Variants in FRMD3 observed in about 807,000 individuals in gnomAD.
FRMD3 encodes FERM domain containing 3.
In FRMD3, 33 loss-of-function variants were observed where a neutral mutation model predicts 70.2. The ratio of observed to expected loss-of-function variants is 0.47; its 90% CI spans 0.36 to 0.63. The LOEUF is 0.63. FRMD3 is among the 20% of genes least tolerant of loss of function. The pLI is 0.00. For synonymous variants in FRMD3, 279 were observed against 255.9 expected, an observed-to-expected ratio of 1.09 and a Z score of -0.86; for missense variants, 632 against 711.4, an observed-to-expected ratio of 0.89 and a Z score of 1.27.
chr9:83,499,006 A>G (rs1190676353), intron 1 of FRMD3, among the ~76,000 whole-genome samples: 1 of 152,176 alleles, frequency 6.6e-6, no homozygotes, highest in Non-Finnish European at 1.5e-5. Flanking sequence ...ACGTGGCAAT[A>G]TCCTTGTATT....
chr9:83,422,950 C>T (rs1019447745), intron 1 of FRMD3, among the ~76,000 whole-genome samples: 2 of 152,152 alleles, frequency 1.3e-5, no homozygotes, highest in African/African-American at 2.4e-5. Flanking sequence ...GGCCAGGGAA[C>T]GAATGCTTAA....
intron 10 of FRMD3, among the ~76,000 whole-genome samples, chr9:83,307,061 A>T (rs1387133230): frequency 2.6e-5 from 4 of 152,214 alleles, no homozygotes; most frequent in Non-Finnish European, 5.9e-5. Flanking sequence ...GATATATAAA[A>T]TTCTGTAATA....
At chr9:83,567,392 G>A in the FRMD3 span, among the ~76,000 whole-genome samples, 1 of 152,160 alleles carries the variant, frequency 6.6e-6, no homozygotes, top group Non-Finnish European at 1.5e-5. Flanking sequence ...GAAGTTCTCT[G>A]ACATGGCCCA....
At chr9:83,407,532 CAGAATG>C (rs1180843011) in intron 1 of FRMD3, among the ~76,000 whole-genome samples, 3 of 152,158 alleles carry the variant, frequency 2.0e-5, no homozygotes, top group African/African-American at 7.2e-5. Context: ...CTATATGTAG[CAGAATG>C]AAAATTAGTA....
In FRMD3 at chr9:83,348,882, A is replaced by G. The variant is rs540580353; in HGVS notation, c.374+797T>C. 2.0e-5 allele frequency among the ~76,000 whole-genome samples: 3 copies of G among 152,284 alleles called. No individual in the cohort carries two copies. In the South Asian group the frequency reaches 6.2e-4, roughly 32 times the overall value. ...CCAGAGACCCTGGATAATAACAAGG[A>G]AGCAAAATATCCAAGAACCCAAAAC... On this transcript the variant is annotated intron_variant, in intron 4 of 13. Transcript: ENST00000304195.
At chr9:83,419,476 A>ATGTGTTGAGAGTGTGTGTGTTCATG in intron 1 of FRMD3, among the ~76,000 whole-genome samples, 1 of 142,106 alleles carries the variant, frequency 7.0e-6, no homozygotes, top group Non-Finnish European at 1.5e-5. Flanking sequence ...GTGTGTGTTC[A>ATGTGTTGAGAGTGTGTGTGTTCATG]TGTGTTGAGA....
At chr9:83,358,368 T>A (rs1266230412) in intron 3 of FRMD3, among the ~76,000 whole-genome samples, 2 of 152,230 alleles carry the variant, frequency 1.3e-5, no homozygotes, top group Non-Finnish European at 2.9e-5. Context: ...GGTAATGTGA[T>A]GCCTCCAGAT....
At chr9:83,352,909 A>G (rs976158221) in intron 3 of FRMD3, among the ~76,000 whole-genome samples, 4 of 152,156 alleles carry the variant, frequency 2.6e-5, no homozygotes, top group African/African-American at 4.8e-5. Context: ...ACAAGCCACT[A>G]TGTTCCTGAC....
At chr9:83,470,179 C>A (rs1828234785) in intron 1 of FRMD3, among the ~76,000 whole-genome samples, 1 of 152,218 alleles carries the variant, frequency 6.6e-6, no homozygotes, top group Non-Finnish European at 1.5e-5. Context: ...CAGATTCCAG[C>A]TGCTCTGAAG....
At chr9:83,575,816 C>A in the FRMD3 span, among the ~76,000 whole-genome samples, 1 of 152,230 alleles carries the variant, frequency 6.6e-6, no homozygotes, top group African/African-American at 2.4e-5. Context: ...TGAATTCCTT[C>A]AAATGTTTAA....
chr9:83,284,061 A>ATTTTTTTTT (rs71365307), intron 13 of FRMD3, among the ~76,000 whole-genome samples: 18 of 101,656 alleles, frequency 1.8e-4, no homozygotes, highest in South Asian at 3.5e-4. Context: ...CTAGGATGTT[A>ATTTTTTTTT]TTTTTTTTTT....
chr9:83,553,848 T>C, the FRMD3 span, among the ~76,000 whole-genome samples: 1 of 152,216 alleles, frequency 6.6e-6, no homozygotes, highest in African/African-American at 2.4e-5. Flanking sequence ...CTGAGTTCTA[T>C]TTCTGTCATT....
At chr9:83,388,519 A>G (rs565863222) in intron 2 of FRMD3, among the ~76,000 whole-genome samples, 1 of 152,308 alleles carries the variant, frequency 6.6e-6, no homozygotes, top group East Asian at 1.9e-4. Context: ...CCACCCCATG[A>G]GCCAGGGGTG....
intron 3 of FRMD3, among the ~76,000 whole-genome samples, chr9:83,364,824 C>A (rs1824737291): frequency 6.6e-6 from 1 of 152,150 alleles, no homozygotes. Flanking sequence ...CATCCGCCAA[C>A]AAGTGGAAAG....
the FRMD3 span, among the ~76,000 whole-genome samples, chr9:83,572,053 C>T: frequency 6.6e-6 from 1 of 152,102 alleles, no homozygotes; most frequent in Non-Finnish European, 1.5e-5. Context: ...GCTGCTGGTA[C>T]TTATACCACA....
chr9:83,567,803 T>C, the FRMD3 span, among the ~76,000 whole-genome samples: 6 of 152,208 alleles, frequency 3.9e-5, no homozygotes, highest in East Asian at 3.8e-4. Context: ...ATTGTTCATA[T>C]CACTATCAGC....
chr9:83,254,290 T>A (rs1832583292), intron 13 of FRMD3, among the ~76,000 whole-genome samples: 1 of 151,798 alleles, frequency 6.6e-6, no homozygotes, highest in Non-Finnish European at 1.5e-5. Flanking sequence ...AAAAGAAACT[T>A]TCAAAAACAA....
chr9:83,303,835 T>C (rs1835014775), intron 10 of FRMD3, among the ~76,000 whole-genome samples: 1 of 152,186 alleles, frequency 6.6e-6, no homozygotes, highest in African/African-American at 2.4e-5. Flanking sequence ...CGAAAACATT[T>C]TCATCACCTC....
chr9:83,365,741 T>C (rs1824764356), intron 3 of FRMD3, among the ~76,000 whole-genome samples: 1 of 152,168 alleles, frequency 6.6e-6, no homozygotes, highest in East Asian at 1.9e-4. Context: ...AAAATTTTAC[T>C]GACATTTTTG....
Sources: gnomAD v4.1 joint callset for allele counts (sites outside exome capture counted in the v4.1 genomes callset) on GRCh38, gnomAD v4.1.1 for gene constraint, MANE v1.5 for transcripts, NCBI Gene and HGNC (gene_info 2026-07-23, HGNC 2026-07-21) for gene names.